The following LAMB4 variants were observed in gnomAD, a reference collection of about 807,000 sequenced individuals.
LAMB4 encodes laminin subunit beta-4.
LAMB4 carries 196 observed loss-of-function variants against 199.2 expected under a neutral mutation model. The ratio of observed to expected loss-of-function variants is 0.98; its 90% CI spans 0.88 to 1.11. LAMB4 has a LOEUF of 1.11. Among genes scored for constraint, LAMB4 ranks in the 50% least tolerant of loss-of-function variants. LAMB4 has a pLI of 0.00. For synonymous variants in LAMB4, 744 were observed against 770.6 expected, an observed-to-expected ratio of 0.97 and a Z score of 0.57; for missense variants, 2,080 against 2,171.2, an observed-to-expected ratio of 0.96 and a Z score of 0.83.
At chr7:108,106,756 G>C (rs953293793) in intron 6 of LAMB4, among the ~76,000 whole-genome samples, 184 bp from the exon 7 acceptor site, 1 of 151,864 alleles carries the variant, frequency 6.6e-6, no homozygotes, top group African/African-American at 2.4e-5. Flanking sequence ...TGTAGAGGTG[G>C]GGTTCTCCCT....
In LAMB4 at chr7:108,057,874, A is replaced by C. The variant is rs1307700150; in HGVS notation, c.3337T>G (p.Cys1113Gly). 6.2e-7 allele frequency: 1 copy of C among 1,613,542 alleles called. No homozygotes were observed. The highest frequency in any genetic ancestry group is 8.5e-7 in the Non-Finnish European group (1 of 1,179,700). The part of the protein sequence containing the change: ...LGYGGKRCSE[C>G]QENYYGDPPG... ...GGATCACCATAATAATTTTCCTGGC[A>C]CTCACTGCAACGTTTCCCGCCGTAA... is the stretch of plus-strand genomic sequence containing the variant. Residue 1113 changes from cysteine to glycine, a missense_variant, in exon 24 of 34, where the codon TGC becomes GGC. Transcript: ENST00000388781.
chr7:108,111,524 A>C (rs941616887), intron 4 of LAMB4, among the ~76,000 whole-genome samples: 1 of 152,236 alleles, frequency 6.6e-6, no homozygotes, highest in South Asian at 2.1e-4. Context: ...TCTTATTATT[A>C]TTTTTTTACA....
intron 12 of LAMB4, among the ~76,000 whole-genome samples, chr7:108,092,670 C>G (rs986684624): frequency 6.6e-6 from 1 of 152,136 alleles, no homozygotes; most frequent in African/African-American, 2.4e-5. Flanking sequence ...TTTTGGGAGG[C>G]CGAGACGGGT....
At chr7:108,127,072 G>T (rs2395958) in intron 1 of LAMB4, among the ~76,000 whole-genome samples, 5,617 of 152,000 alleles carry the variant, frequency 0.037, 343 homozygotes, top group African/African-American at 0.12. Flanking sequence ...TACCTAAAAC[G>T]GATTAATTTG....
intron 21 of LAMB4, among the ~76,000 whole-genome samples, chr7:108,064,613 A>T (rs2036273214): frequency 6.6e-6 from 1 of 152,130 alleles, no homozygotes; most frequent in Non-Finnish European, 1.5e-5. Flanking sequence ...GGTTCATCCC[A>T]CTTGGAAATG....
In LAMB4 at chr7:108,067,826, GC is replaced by G. The variant is rs2036394468; in HGVS notation, c.2446+189del. On this transcript the variant is annotated intron_variant, in intron 19 of 33. Coordinates refer to ENST00000388781, the MANE Select transcript of LAMB4 (RefSeq NM_007356.3). Reference sequence around the variant, plus strand: ...TAATGCAGCTCTGCCTACAGTCAGGGCCCATTGATGAATGGATGAATGAAGT... The same window carrying G: ...TAATGCAGCTCTGCCTACAGTCAGGGCCATTGATGAATGGATGAATGAAGT... Among the ~76,000 whole-genome samples, 7 of 152,270 alleles carry G rather than the reference GC, an allele frequency of 4.6e-5. No individual in the cohort carries two copies. In the South Asian group the frequency reaches 1.5e-3, roughly 32 times the overall value.
chr7:108,049,474 AT>A lies in LAMB4; in HGVS notation c.3973del (p.Ile1325LeufsTer22). ...ATTAATGGTGGAACTAGTTTCATTA[AT>A]TTTCTTTTCAGCAGATGATGATATG... is the stretch of plus-strand genomic sequence containing the variant. ...YHISSSAEKK[I>X]NETSSTINTS... On this transcript the variant is annotated frameshift_variant, in exon 27 of 34. Coordinates refer to ENST00000388781, the MANE Select transcript of LAMB4 (RefSeq NM_007356.3). LOFTEE classifies it high-confidence loss of function. The A allele has an allele frequency of 6.2e-7, 1 of 1,604,420 alleles. No individual in the cohort carries two copies. Among genetic ancestry groups the A allele is most frequent in the Non-Finnish European group, 8.5e-7 (1 of 1,172,268 alleles).
intron 26 of LAMB4, among the ~76,000 whole-genome samples, 173 bp downstream of exon 26, chr7:108,051,924 T>C (rs1304280071): frequency 2.0e-5 from 3 of 152,234 alleles, no homozygotes; most frequent in Non-Finnish European, 4.4e-5. Flanking sequence ...GGCTCTGTGA[T>C]GTTTAAAAAG....
intron 28 of LAMB4, among the ~76,000 whole-genome samples, chr7:108,047,528 T>C (rs1323256475): frequency 6.6e-6 from 1 of 152,208 alleles, no homozygotes; most frequent in Non-Finnish European, 1.5e-5. Context: ...AATACATACA[T>C]AAATATATGT....
At position 108,111,899 on chromosome 7, in the gene LAMB4, C is replaced by T. The variant is rs558563991; in HGVS notation, c.240G>A (p.Pro80=). The T allele has an allele frequency of 7.7e-5, 124 of 1,611,404 alleles. No individual in the cohort carries two copies. Among genetic ancestry groups the T allele is most frequent in the Middle Eastern group, 3.3e-4 (2 of 6,054 alleles). ...TGGTGTGGCTGTTGGGTTGGTCATA[C>T]GGATCATATGGAAATCTAGAGTCAC... ...FICDSRFPYD[P]YDQPNSHTIE... Residue 80 remains proline, a synonymous_variant, in exon 4 of 34, where the codon CCG becomes CCA. Transcript: ENST00000388781.
In LAMB4 at chr7:108,098,427, C is replaced by T; in HGVS notation, c.1336G>A (p.Ala446Thr). 6.5e-7 allele frequency: 1 copy of T among 1,528,810 alleles called. No homozygotes were observed. The highest frequency in any genetic ancestry group is 8.8e-7 in the Non-Finnish European group (1 of 1,137,852). The allele number at this position is 1,528,810 out of a possible 1,614,324, so 94.7% of individuals were successfully genotyped here. The change falls in exon 11 of 34, where the codon GCC (alanine) becomes ACC (threonine). Residue 446 changes from alanine (A) to threonine (T), a missense_variant. Transcript: ENST00000388781. ...QCKPNHYGLS[A>T]TDPLGCQPCD... ...CGCTGGCAGCCCAGGGGGTCGGTGG[C>T]GCTTAGTCCGTAGTGGTTGGGTTTG...
Position 108,116,083 on chromosome 7 carries a change from C to T in LAMB4, c.113G>A (p.Gly38Asp), listed in dbSNP as rs996586275. The T allele has an allele frequency of 9.9e-6, 16 of 1,613,912 alleles. No homozygotes were observed. The highest frequency in any genetic ancestry group is 1.4e-5 in the Non-Finnish European group (16 of 1,179,950). The change falls in exon 3 of 34, where the codon GGC becomes GAC. Residue 38 changes from glycine to aspartate, a missense_variant. Coordinates refer to ENST00000388781, the MANE Select transcript of LAMB4 (RefSeq NM_007356.3). ...AGAAGCCATAAGCTGCGTGTTCCTGCCCACCAGGAGATCACCAGTGGTGGG... is the reference window on the plus strand; with the variant it reads ...AGAAGCCATAAGCTGCGTGTTCCTGTCCACCAGGAGATCACCAGTGGTGGG... ...CHPTTGDLLV[G>D]RNTQLMASST...
chr7:108,028,310 G>A (rs1584580117), intron 33 of LAMB4, among the ~76,000 whole-genome samples: 2 of 152,026 alleles, frequency 1.3e-5, no homozygotes, highest in Admixed American at 6.6e-5. Context: ...CATTTTGGGC[G>A]GGACAATTGT....
chr7:108,050,908 A>T (rs530797659), intron 26 of LAMB4, among the ~76,000 whole-genome samples: 2 of 152,216 alleles, frequency 1.3e-5, no homozygotes, highest in African/African-American at 4.8e-5. Flanking sequence ...ATGCTCTAAC[A>T]GTCTTAATGC....
intron 3 of LAMB4, among the ~76,000 whole-genome samples, chr7:108,112,587 C>A (rs2038270248): frequency 6.6e-6 from 1 of 152,118 alleles, no homozygotes; most frequent in African/African-American, 2.4e-5. Flanking sequence ...GCCACTGACC[C>A]CAGCCTGCTT....
intron 31 of LAMB4, 135 bp from the exon 32 acceptor site, chr7:108,031,114 A>G (rs1448500183): frequency 1.7e-6 from 1 of 594,626 alleles, no homozygotes; most frequent in African/African-American, 1.9e-5. Context: ...TTTCTGTTGC[A>G]TTTATTTAAA....
At chr7:108,110,799 A>G (rs1052142394) in intron 4 of LAMB4, among the ~76,000 whole-genome samples, 1 of 152,204 alleles carries the variant, frequency 6.6e-6, no homozygotes, top group Non-Finnish European at 1.5e-5. Flanking sequence ...TTCATTAAGG[A>G]GAGTCCAGCT....
chr7:108,063,758 T>TA lies in LAMB4; in HGVS notation c.3061+2dup, dbSNP rs1190279364. 6.2e-7 allele frequency: 1 copy of TA among 1,612,910 alleles called. No homozygotes were observed. Among genetic ancestry groups the TA allele is most frequent in the African/African-American group, 1.3e-5 (1 of 75,020 alleles). On this transcript the variant is annotated splice_region_variant and intron_variant, in intron 22 of 33. Transcript: ENST00000388781. ...TTTCCCCCTGGGAGTTTTGCAGACT[T>TA]ACTTCTGCAGGTCTGATTGAGGGCT...
At position 108,043,746 on chromosome 7, in the gene LAMB4, A is replaced by G; in HGVS notation, c.4471+6T>C. Reference sequence around the variant, plus strand: ...AAACTAGTCCTAATATATATTTTTAAATTACCTAACAAAAAGTTTTTCACT... The same window carrying G: ...AAACTAGTCCTAATATATATTTTTAGATTACCTAACAAAAAGTTTTTCACT... On this transcript the variant is annotated splice_donor_region_variant and intron_variant, in intron 29 of 33. Coordinates refer to ENST00000388781, the MANE Select transcript of LAMB4 (RefSeq NM_007356.3). The G allele has an allele frequency of 6.5e-7, 1 of 1,539,470 alleles. No homozygotes were observed. The highest frequency in any genetic ancestry group is 8.9e-7 in the Non-Finnish European group (1 of 1,127,086).
Sources: gnomAD v4.1 joint callset for allele counts (sites outside exome capture counted in the v4.1 genomes callset) on GRCh38, gnomAD v4.1.1 for gene constraint, MANE v1.5 for transcripts, NCBI Gene and HGNC (gene_info 2026-07-23, HGNC 2026-07-21) for gene names.